The following HDAC4 variants were observed in gnomAD, a reference collection of about 807,000 sequenced individuals.
The protein encoded by HDAC4 is histone deacetylase 4, also known as histone deacetylase A.
In HDAC4, 16 loss-of-function variants were observed where a neutral mutation model predicts 135.1. The ratio of observed to expected loss-of-function variants is 0.12; its 90% CI spans 0.08 to 0.18. The LOEUF (loss-of-function observed/expected upper bound fraction) is 0.18. Among genes scored for constraint, HDAC4 ranks in the 10% least tolerant of loss-of-function variants. The probability of loss-of-function intolerance (pLI) is 1.00; values close to 1 mark genes in which losing one functional copy is unlikely to be tolerated. For missense variants in HDAC4, 1,143 were observed against 1,511.8 expected, an observed-to-expected ratio of 0.76 and a Z score of 4.05; for synonymous variants, 685 against 653.4, an observed-to-expected ratio of 1.05 and a Z score of -0.74.
intron 24 of HDAC4, among the ~76,000 whole-genome samples, chr2:239,056,621 T>C (rs553333580): frequency 1.4e-4 from 21 of 152,374 alleles, no homozygotes; most frequent in Non-Finnish European, 2.6e-4. Flanking sequence ...GACAACTCCT[T>C]GAGCATTTCA....
chr2:239,236,562 G>A lies in HDAC4; in HGVS notation c.94+31C>T, dbSNP rs372737919. ...CACCTCTTTGGCTCAGCGCAGGGCC[G>A]GCCGGACAGGGCAGGGGTGGGCGGA... On this transcript the variant is annotated intron_variant, in intron 3 of 26. Transcript: ENST00000543185. 581 of 1,536,712 alleles carry A rather than the reference G, an allele frequency of 3.8e-4. 1 individual carries two copies. Among genetic ancestry groups the A allele is most frequent in the Admixed American group, 8.2e-4 (42 of 50,962 alleles).
Position 239,169,357 on chromosome 2 carries a change from C to T in HDAC4, c.491-5434G>A, listed in dbSNP as rs552055094. ...GCGCACACCCGCGATGTGGGTCCCA[C>T]GCACGCCTCCTGCACTGCAGCGTCA... On this transcript the variant is annotated intron_variant, in intron 5 of 26. Transcript: ENST00000543185. Among the ~76,000 whole-genome samples the T allele has an allele frequency of 2.5e-3, 386 of 152,344 alleles. 1 individual carries two copies. The highest frequency in any genetic ancestry group is 9.0e-3 in the African/African-American group (374 of 41,572).
At chr2:239,089,298 T>C (rs2036272988) in intron 18 of HDAC4, among the ~76,000 whole-genome samples, 3 of 152,146 alleles carry the variant, frequency 2.0e-5, no homozygotes, top group South Asian at 4.1e-4. Flanking sequence ...GGCAAGACAT[T>C]AGTGCTATTT....
At chr2:239,247,863 T>G (rs576237582) in intron 2 of HDAC4, among the ~76,000 whole-genome samples, 1 of 152,080 alleles carries the variant, frequency 6.6e-6, no homozygotes, top group African/African-American at 2.4e-5. Flanking sequence ...CTGACCACAG[T>G]GGACCACACC....
At chr2:239,269,157 T>C in intron 2 of HDAC4, among the ~76,000 whole-genome samples, 1 of 151,792 alleles carries the variant, frequency 6.6e-6, no homozygotes. Context: ...CATTCATACA[T>C]CTACACAATT....
At chr2:239,098,180 T>TTA (rs1299524876) in intron 16 of HDAC4, among the ~76,000 whole-genome samples, 3 of 151,982 alleles carry the variant, frequency 2.0e-5, no homozygotes, top group Non-Finnish European at 4.4e-5. Context: ...AGGAATGGAG[T>TTA]TATAGGCAGA....
chr2:239,321,981 T>G (rs1471558485), intron 2 of HDAC4, among the ~76,000 whole-genome samples: 2 of 152,236 alleles, frequency 1.3e-5, no homozygotes, highest in Non-Finnish European at 2.9e-5. Context: ...CAGATTTGTT[T>G]AAGCGGAAGT....
At chr2:239,397,485 A>G (rs1164879666) in intron 1 of HDAC4, among the ~76,000 whole-genome samples, 1 of 152,122 alleles carries the variant, frequency 6.6e-6, no homozygotes, top group Non-Finnish European at 1.5e-5. Context: ...GGGGCAATCT[A>G]TGCAGGACCC....
chr2:239,212,203 G>C (rs1427418645), intron 3 of HDAC4, among the ~76,000 whole-genome samples: 1 of 152,058 alleles, frequency 6.6e-6, no homozygotes. Context: ...GTATTCTTAG[G>C]AGCCAAAATC....
At position 239,068,685 on chromosome 2, in the gene HDAC4, T is replaced by C. The variant is rs2033840514; in HGVS notation, c.2751-78A>G. The C allele has an allele frequency of 1.6e-6, 2 of 1,263,814 alleles. No homozygotes were observed. Among genetic ancestry groups the C allele is most frequent in the Non-Finnish European group, 2.3e-6 (2 of 862,200 alleles). The allele number at this position is 1,263,814 out of a possible 1,614,324, so 78.3% of individuals were successfully genotyped here. A position where few individuals can be genotyped will look rare whatever the true frequency, so the allele number is the denominator to read the frequency against. On this transcript the variant is annotated intron_variant, in intron 22 of 26. Coordinates refer to ENST00000543185, the MANE Select transcript of HDAC4 (RefSeq NM_001378414.1). The surrounding 1 kb of genome is among the most constrained non-coding windows in gnomAD (Gnocchi z 4.4). ...GGTCACAAAACCCCAAGGTTCCCTC[T>C]GGCATTGATAATGCCTGCCCCGCAC...
intron 2 of HDAC4, among the ~76,000 whole-genome samples, chr2:239,317,015 G>A (rs2053138851): frequency 1.3e-5 from 2 of 152,318 alleles, no homozygotes; most frequent in South Asian, 2.1e-4. Flanking sequence ...CAACCACGCT[G>A]GGGCAGGGTG....
At chr2:239,145,084 T>C (rs1448935319) in intron 7 of HDAC4, among the ~76,000 whole-genome samples, 3 of 152,062 alleles carry the variant, frequency 2.0e-5, no homozygotes, top group African/African-American at 7.2e-5. Flanking sequence ...TTAATGGCGA[T>C]GTCTCGTAAC....
intron 17 of HDAC4, among the ~76,000 whole-genome samples, chr2:239,092,760 C>A (rs1017883707): frequency 6.6e-6 from 1 of 152,200 alleles, no homozygotes; most frequent in Non-Finnish European, 1.5e-5. Flanking sequence ...AGGCGTGCAG[C>A]GCCACCACTG....
chr2:239,177,415 G>A (rs1443924175), intron 4 of HDAC4, among the ~76,000 whole-genome samples: 3 of 152,180 alleles, frequency 2.0e-5, no homozygotes, highest in Non-Finnish European at 2.9e-5. Context: ...ATATTCACAT[G>A]AAGCCCTAAA....
rs2030920329 is a variant in HDAC4 at position 239,051,958 on chromosome 2, A to C, written c.*1139T>G. The C allele has an allele frequency of 6.6e-6, 1 of 151,664 alleles. No homozygotes were observed. The highest frequency in any genetic ancestry group is 1.5e-5 in the Non-Finnish European group (1 of 67,944). 9.4% of individuals were successfully genotyped at this position (151,664 alleles called of 1,614,324 possible). ...GAATACATTGGAATATATATTATAC[A>C]TATATATATTTATTTATACCTAAAA... On this transcript the variant is annotated 3_prime_UTR_variant, in exon 27 of 27. Transcript: ENST00000543185.
At chr2:239,244,743 G>A (rs1258406720) in intron 2 of HDAC4, among the ~76,000 whole-genome samples, 1 of 152,038 alleles carries the variant, frequency 6.6e-6, no homozygotes, top group Admixed American at 6.5e-5. Flanking sequence ...CTGCACCTGC[G>A]CTGGCCTCCT....
chr2:239,089,859 G>A (rs562775611), intron 18 of HDAC4, 150 bp downstream of exon 18: 63 of 684,754 alleles, frequency 9.2e-5, no homozygotes, highest in Middle Eastern at 3.5e-4. Context: ...ATTCAATAGC[G>A]AGGCTGTGCT....
At chr2:239,077,638 G>A (rs2034899301) in intron 22 of HDAC4, among the ~76,000 whole-genome samples, 1 of 152,216 alleles carries the variant, frequency 6.6e-6, no homozygotes, top group South Asian at 2.1e-4. Flanking sequence ...ATTGCTTTTA[G>A]AAAAGAAGGT....
In HDAC4 at chr2:239,093,818, G is replaced by A. The variant is rs765271075; in HGVS notation, c.2280+1192C>T. The A allele has an allele frequency of 4.0e-5, 18 of 450,200 alleles. No individual in the cohort carries two copies. In the South Asian group the frequency reaches 5.6e-4, roughly 14 times the overall value. The allele number at this position is 450,200 out of a possible 1,614,324, so 27.9% of individuals were successfully genotyped here. On this transcript the variant is annotated intron_variant, in intron 17 of 26. Coordinates refer to ENST00000543185, the MANE Select transcript of HDAC4 (RefSeq NM_001378414.1). ...AATTCTGCCTTGCACAGGCGTGCTG[G>A]CTGCAGGGCAGTGCAAATTCAATCC... is the stretch of plus-strand genomic sequence containing the variant.
Sources: allele counts gnomAD v4.1 joint callset (sites outside exome capture counted in the v4.1 genomes callset), GRCh38; gene constraint gnomAD v4.1.1; non-coding constraint Gnocchi (gnomAD v3.1); transcripts MANE v1.5; gene names NCBI Gene and HGNC (gene_info 2026-07-23, HGNC 2026-07-21).